Variants in CLNK observed in about 807,000 individuals in gnomAD.
The protein encoded by CLNK is cytokine dependent hematopoietic cell linker.
Under a neutral mutation model 68.6 loss-of-function variants are expected in CLNK, and 74 were observed. That is an observed-to-expected ratio of 1.08 (90% confidence interval 0.89 to 1.31). CLNK has a LOEUF of 1.31. Ranked by LOEUF, CLNK falls within the 50% of genes most tolerant of loss-of-function variation. CLNK has a pLI of 0.00. For missense variants in CLNK, 553 were observed against 515.3 expected, an observed-to-expected ratio of 1.07 and a Z score of -0.71; for synonymous variants, 198 against 172.2, an observed-to-expected ratio of 1.15 and a Z score of -1.17.
chr4:10,672,935 G>C (rs1724708799), intron 1 of CLNK, among the ~76,000 whole-genome samples: 1 of 152,120 alleles, frequency 6.6e-6, no homozygotes, highest in South Asian at 2.1e-4. Context: ...ATCTTAAATA[G>C]ACATTTAGGA....
At chr4:10,562,695 C>G (rs771918162) in intron 7 of CLNK, among the ~76,000 whole-genome samples, 1 of 152,184 alleles carries the variant, frequency 6.6e-6, no homozygotes, top group African/African-American at 2.4e-5. Context: ...TGAGCCCCCA[C>G]GTCCGGTCAC....
chr4:10,677,333 T>G (rs1040859869), intron 1 of CLNK, among the ~76,000 whole-genome samples: 1 of 152,192 alleles, frequency 6.6e-6, no homozygotes, highest in Admixed American at 6.5e-5. Flanking sequence ...TGATGTATGC[T>G]GGTGATTTTC....
intron 2 of CLNK, among the ~76,000 whole-genome samples, chr4:10,634,371 G>A (rs191406282): frequency 8.5e-5 from 13 of 152,342 alleles, no homozygotes; most frequent in Non-Finnish European, 1.8e-4. Context: ...CTGTTTCCCA[G>A]CTTCCCAGCC....
chr4:10,609,381 C>T (rs1385676097), intron 2 of CLNK, among the ~76,000 whole-genome samples: 2 of 152,190 alleles, frequency 1.3e-5, no homozygotes, highest in Non-Finnish European at 2.9e-5. Context: ...TCCCTGGGGT[C>T]CACCTGGGCT....
At chr4:10,670,130 A>G (rs1333613220) in intron 1 of CLNK, among the ~76,000 whole-genome samples, 1 of 152,216 alleles carries the variant, frequency 6.6e-6, no homozygotes, top group Non-Finnish European at 1.5e-5. Flanking sequence ...ACTGAAACAT[A>G]TGAAAATGTC....
In CLNK at chr4:10,632,453, G is replaced by A. The variant is rs540398528; in HGVS notation, c.12-34404C>T. Among the ~76,000 whole-genome samples, 6 of 152,334 alleles carry A rather than the reference G, an allele frequency of 3.9e-5. No individual in the cohort carries two copies. The East Asian group carries it at 9.6e-4, about 24-fold the overall frequency. ...CCAGGCAACATGCACAGTATCCCAC[G>A]CATATCAGACTATACAACTTTCATT... On this transcript the variant is annotated intron_variant, in intron 2 of 18. Transcript: ENST00000226951.
At chr4:10,537,678 TCTTCCTTCCTTCCTTCCTTCCTTCCTTC>T (rs1179342694) in intron 11 of CLNK, among the ~76,000 whole-genome samples, 11 of 38,530 alleles carry the variant, frequency 2.9e-4, no homozygotes, top group East Asian at 8.4e-4. Flanking sequence ...TTTCTTTCTT[TCTTCCTTCCTTCCTTCCTTCCTTCCTTC>T]CTTTCTTTCT....
intron 1 of CLNK, among the ~76,000 whole-genome samples, chr4:10,679,515 G>A (rs1443326784): frequency 6.6e-6 from 1 of 152,152 alleles, no homozygotes; most frequent in Non-Finnish European, 1.5e-5. Flanking sequence ...ATTGACAAAT[G>A]GGATCTAATT....
upstream of CLNK, among the ~76,000 whole-genome samples, chr4:10,686,411 G>T (rs922675327): frequency 6.6e-6 from 1 of 151,976 alleles, no homozygotes; most frequent in Non-Finnish European, 1.5e-5. Context: ...TCTGGTCTGT[G>T]CTAGTGGGTT....
chr4:10,582,520 C>G (rs545105195), intron 4 of CLNK, among the ~76,000 whole-genome samples: 35 of 152,230 alleles, frequency 2.3e-4, no homozygotes, highest in African/African-American at 7.5e-4. Flanking sequence ...ATAGGGCCAT[C>G]TTTTCCAGTT....
chr4:10,620,946 CAA>C (rs3030347), intron 2 of CLNK, among the ~76,000 whole-genome samples: 1 of 143,726 alleles, frequency 7.0e-6, no homozygotes, highest in African/African-American at 2.6e-5. Flanking sequence ...ACTAAAAATA[CAA>C]AAAAAAAAAA....
intron 2 of CLNK, among the ~76,000 whole-genome samples, chr4:10,610,080 G>A (rs1357087601): frequency 1.0e-5 from 1 of 98,310 alleles, no homozygotes; most frequent in Non-Finnish European, 1.8e-5. Context: ...TTTTTGAGAC[G>A]GAGTCTCGTT....
In CLNK at chr4:10,510,981, C is replaced by T. The variant is rs145275410; in HGVS notation, c.906+2483G>A. Among the ~76,000 whole-genome samples, 28 of 152,210 alleles carry T rather than the reference C, an allele frequency of 1.8e-4. No homozygotes were observed. In the East Asian group the frequency reaches 4.8e-3, roughly 26 times the overall value. On this transcript the variant is annotated intron_variant, in intron 16 of 18. Transcript: ENST00000226951. ...CAGCCTGGCCAACGTGGTGAAACCC[C>T]GTCTGTACTGAAAATACAAAATTAG...
chr4:10,522,088 C>T (rs1346837603), intron 14 of CLNK, among the ~76,000 whole-genome samples: 1 of 151,770 alleles, frequency 6.6e-6, no homozygotes, highest in Non-Finnish European at 1.5e-5. Flanking sequence ...GAAATCCCGT[C>T]TCTACTAAAA....
chr4:10,596,523 A>G (rs999377947), intron 3 of CLNK, among the ~76,000 whole-genome samples: 16 of 152,260 alleles, frequency 1.1e-4, no homozygotes, highest in African/African-American at 3.9e-4. Context: ...TTACAGGAGT[A>G]AATACATTGG....
chr4:10,632,050 C>T (rs1398090379), intron 2 of CLNK, among the ~76,000 whole-genome samples: 1 of 152,206 alleles, frequency 6.6e-6, no homozygotes, highest in East Asian at 1.9e-4. Context: ...AGGGTGTTTA[C>T]CTGCTATCTC....
At chr4:10,688,234 A>G (rs896269674), upstream of CLNK, among the ~76,000 whole-genome samples, 1 of 152,168 alleles carries the variant, frequency 6.6e-6, no homozygotes, top group Non-Finnish European at 1.5e-5. Flanking sequence ...TTAATAGCGG[A>G]TGTGCGGTGT....
At chr4:10,491,587 A>G (rs1716574792) in intron 18 of CLNK, among the ~76,000 whole-genome samples, 1 of 152,182 alleles carries the variant, frequency 6.6e-6, no homozygotes, top group Admixed American at 6.5e-5. Flanking sequence ...TTTAACGGAA[A>G]GTAAGATTAT....
chr4:10,699,398 C>A, the CLNK span, among the ~76,000 whole-genome samples: 1 of 117,984 alleles, frequency 8.5e-6, no homozygotes, highest in Non-Finnish European at 1.8e-5. Context: ...ATATAAAAAC[C>A]CATGGATGTT....
Sources: gnomAD v4.1 joint callset for allele counts (sites outside exome capture counted in the v4.1 genomes callset) on GRCh38, gnomAD v4.1.1 for gene constraint, MANE v1.5 for transcripts, NCBI Gene and HGNC (gene_info 2026-07-23, HGNC 2026-07-21) for gene names.